Variants in RAPGEF1 observed in about 807,000 individuals in gnomAD.
RAPGEF1 encodes Rap guanine nucleotide exchange factor 1.
In RAPGEF1, 33 loss-of-function variants were observed where a neutral mutation model predicts 143.3. The observed-to-expected ratio is 0.23, with a 90% CI of 0.17 to 0.31. The LOEUF (loss-of-function observed/expected upper bound fraction) is 0.31. RAPGEF1 is among the 10% of genes least tolerant of loss of function. RAPGEF1 has a pLI of 1.00. For missense variants in RAPGEF1, 1,199 were observed against 1,645.4 expected (o/e 0.73, Z 4.69); for synonymous variants, 629 against 676.5 (o/e 0.93, Z 1.09).
chr9:131,614,738 C>T (rs1388617959), intron 12 of RAPGEF1, among the ~76,000 whole-genome samples: 4 of 152,204 alleles, frequency 2.6e-5, no homozygotes, highest in Admixed American at 1.3e-4. Flanking sequence ...CAGAAAACGA[C>T]TGTTTTGCCC....
chr9:131,676,364 G>A (rs1205724503), intron 1 of RAPGEF1, among the ~76,000 whole-genome samples: 1 of 152,216 alleles, frequency 6.6e-6, no homozygotes, highest in African/African-American at 2.4e-5. Context: ...AATCACCTGT[G>A]TGGGGGACTG....
chr9:131,621,842 T>C lies in RAPGEF1; in HGVS notation c.1859A>G (p.Gln620Arg). ...SDSFSGVDSVQELAPPPALPP... is the reference protein window; with the variant it reads ...SDSFSGVDSVRELAPPPALPP... ...TAGGGCGGGCGGCGGGGCCAGCTCC[T>C]GCACGGAGTCCACCCCACTGAAGGA... Residue 620 changes from glutamine (Q) to arginine (R), a missense_variant, in exon 11 of 27, where the codon CAG (glutamine) becomes CGG (arginine). Coordinates refer to ENST00000683357, the MANE Select transcript of RAPGEF1 (RefSeq NM_001377935.1). The surrounding 1 kb of genome is among the most constrained non-coding windows in gnomAD (Gnocchi z 4.5). The C allele has an allele frequency of 6.2e-7, 1 of 1,611,362 alleles. No homozygotes were observed. The highest frequency in any genetic ancestry group is 8.5e-7 in the Non-Finnish European group (1 of 1,178,848).
intron 1 of RAPGEF1, among the ~76,000 whole-genome samples, chr9:131,676,230 TGGGCAGCCGCTG>T (rs368643484): frequency 4.6e-5 from 7 of 152,298 alleles, no homozygotes; most frequent in Admixed American, 2.0e-4. Context: ...GAGGTGGGCA[TGGGCAGCCGCTG>T]GGGGTTCTTC....
At chr9:131,705,779 G>A (rs796360816) in intron 1 of RAPGEF1, among the ~76,000 whole-genome samples, 9 of 152,274 alleles carry the variant, frequency 5.9e-5, no homozygotes, top group African/African-American at 2.2e-4. Context: ...CAAATCACTA[G>A]AGAAGCTTCT....
intron 12 of RAPGEF1, among the ~76,000 whole-genome samples, chr9:131,616,445 C>A (rs188172974): frequency 3.5e-4 from 53 of 152,296 alleles, no homozygotes; most frequent in African/African-American, 1.2e-3. Flanking sequence ...GCAACCCGGC[C>A]TGGAAAAGTT....
rs767263095 is a variant in RAPGEF1 at position 131,605,020 on chromosome 9, T to C, written c.2230A>G (p.Thr744Ala). 7.3e-7 allele frequency: 1 copy of C among 1,360,972 alleles called. No individual in the cohort carries two copies. Among genetic ancestry groups the C allele is most frequent in the East Asian group, 4.6e-5 (1 of 21,816 alleles). The allele number at this position is 1,360,972 out of a possible 1,614,324, so 84.3% of individuals were successfully genotyped here. Residue 744 changes from threonine (T) to alanine (A), a missense_variant, in exon 13 of 27, where the codon ACC becomes GCC. Around this residue, in one of 6 missense-constraint regions of RAPGEF1, gnomAD observed 293 missense variants for 356.2 expected, o/e 0.82. Transcript: ENST00000683357. Reference protein sequence around the residue: ...VPTMAGPPPSTVDGPLSASQE... With the variant: ...VPTMAGPPPSAVDGPLSASQE... ...GAAGCCGAGAGAGGCCCGTCCACGG[T>C]GCTGGGAGGTGGACCGGCCATGGTT...
chr9:131,619,943 A>G (rs143006691), intron 11 of RAPGEF1, among the ~76,000 whole-genome samples: 95 of 152,174 alleles, frequency 6.2e-4, no homozygotes, highest in African/African-American at 2.2e-3. Flanking sequence ...TTCTGTTTCT[A>G]GCTGTGGGCT....
chr9:131,619,685 A>C (rs1960179729), intron 11 of RAPGEF1, among the ~76,000 whole-genome samples: 1 of 152,228 alleles, frequency 6.6e-6, no homozygotes, highest in African/African-American at 2.4e-5. Flanking sequence ...AAATGGGGAT[A>C]ACCCTAGTGT....
At chr9:131,716,147 G>A (rs772463997) in intron 1 of RAPGEF1, among the ~76,000 whole-genome samples, 9 of 152,108 alleles carry the variant, frequency 5.9e-5, no homozygotes, top group Non-Finnish European at 7.3e-5. Context: ...GACAATCTAC[G>A]GAAATGAACT....
intron 17 of RAPGEF1, among the ~76,000 whole-genome samples, chr9:131,593,303 C>T (rs949779966): frequency 1.3e-4 from 20 of 152,210 alleles, no homozygotes; most frequent in Admixed American, 4.6e-4. Context: ...GCTGTGGTGA[C>T]ACCTTCTCAA....
At chr9:131,732,095 T>C (rs1259531009) in intron 1 of RAPGEF1, among the ~76,000 whole-genome samples, 1 of 152,112 alleles carries the variant, frequency 6.6e-6, no homozygotes, top group Admixed American at 6.5e-5. Context: ...ATACTGCCCA[T>C]GCCTCTTGAC....
At chr9:131,661,876 T>C (rs1194651482) in intron 1 of RAPGEF1, among the ~76,000 whole-genome samples, 1 of 152,242 alleles carries the variant, frequency 6.6e-6, no homozygotes, top group Non-Finnish European at 1.5e-5. Context: ...CCTACATAAA[T>C]GTATACATTC....
At chr9:131,624,647 G>A (rs1044158098) in intron 10 of RAPGEF1, among the ~76,000 whole-genome samples, 5 of 152,198 alleles carry the variant, frequency 3.3e-5, no homozygotes, top group African/African-American at 9.7e-5. Context: ...TGAATGGCAC[G>A]CAGCCCAAGA....
At chr9:131,734,531 G>A (rs779820270) in intron 1 of RAPGEF1, among the ~76,000 whole-genome samples, 5 of 152,150 alleles carry the variant, frequency 3.3e-5, no homozygotes, top group Non-Finnish European at 7.3e-5. Flanking sequence ...GTGTTAAAAC[G>A]GGTGAGTGAA....
At chr9:131,614,304 G>C (rs573710280) in intron 12 of RAPGEF1, among the ~76,000 whole-genome samples, 1 of 152,376 alleles carries the variant, frequency 6.6e-6, no homozygotes, top group East Asian at 1.9e-4. Context: ...AAGGACAAAG[G>C]TCAGGATGGC....
In RAPGEF1 at chr9:131,584,392, G is replaced by A. The variant is rs1952372178; in HGVS notation, c.3333C>T (p.Asn1111=). 2.5e-6 allele frequency: 4 copies of A among 1,613,934 alleles called. No homozygotes were observed. The highest frequency in any genetic ancestry group is 1.7e-5 in the Admixed American group (1 of 60,020). ...AGAGGATGGCCAAGTAGGAGTTGAA[G>A]TTATTCAGCTTCCGCAAGTGCTGCC... is the stretch of plus-strand genomic sequence containing the variant. ...KIMKHLRKLN[N]FNSYLAILSA... Residue 1111 remains asparagine (N), a synonymous_variant, in exon 24 of 27, where the codon AAC becomes AAT. Coordinates refer to ENST00000683357, the MANE Select transcript of RAPGEF1 (RefSeq NM_001377935.1). This position sits in a 1 kb window ranked among gnomAD's most constrained non-coding sequence, Gnocchi z 6.8.
intron 1 of RAPGEF1, among the ~76,000 whole-genome samples, chr9:131,733,589 A>C (rs1190127689): frequency 6.6e-6 from 1 of 152,160 alleles, no homozygotes; most frequent in African/African-American, 2.4e-5. Context: ...AATAATTCAC[A>C]AACGGTGGGT....
At chr9:131,594,141 G>A (rs2132323172) in intron 17 of RAPGEF1, among the ~76,000 whole-genome samples, 1 of 152,318 alleles carries the variant, frequency 6.6e-6, no homozygotes, top group East Asian at 1.9e-4. Context: ...CATCTGCTGT[G>A]CCCTGGATTA....
chr9:131,678,986 G>A (rs1832682277), intron 1 of RAPGEF1, among the ~76,000 whole-genome samples: 1 of 152,176 alleles, frequency 6.6e-6, no homozygotes, highest in South Asian at 2.1e-4. Context: ...GACAAAACAG[G>A]CCAGCAGGAG....
Sources: gnomAD v4.1 joint callset for allele counts (sites outside exome capture counted in the v4.1 genomes callset) on GRCh38, gnomAD v4.1.1 for gene constraint, gnomAD v4.1.1 regional missense constraint, Gnocchi (gnomAD v3.1) non-coding constraint, MANE v1.5 for transcripts, NCBI Gene and HGNC (gene_info 2026-07-23, HGNC 2026-07-21) for gene names.